The following IGF2BP2 variants were observed in gnomAD, a reference collection of about 807,000 sequenced individuals.
IGF2BP2 encodes insulin like growth factor 2 mRNA binding protein 2.
A neutral mutation model predicts 75.8 loss-of-function variants in IGF2BP2; 17 were observed. The observed-to-expected ratio is 0.22, with a 90% confidence interval of 0.15 to 0.34. The LOEUF (loss-of-function observed/expected upper bound fraction) is 0.34, where lower values mean the gene tolerates loss of function less well. IGF2BP2 is among the 10% of genes least tolerant of loss of function. The probability of loss-of-function intolerance (pLI) is 1.00; values close to 1 mark genes in which losing one functional copy is unlikely to be tolerated. For missense variants in IGF2BP2, 516 were observed against 772.4 expected, an observed-to-expected ratio of 0.67 and a Z score of 3.93; for synonymous variants, 288 against 295.6, an observed-to-expected ratio of 0.97 and a Z score of 0.26.
chr3:185,764,155 T>C (rs1201995298), intron 2 of IGF2BP2, among the ~76,000 whole-genome samples: 1 of 150,714 alleles, frequency 6.6e-6, no homozygotes, highest in East Asian at 2.0e-4. Context: ...ATGTCTATTA[T>C]ATAAGTAATT....
intron 2 of IGF2BP2, among the ~76,000 whole-genome samples, chr3:185,798,208 A>C (rs957581011): frequency 3.3e-5 from 5 of 152,102 alleles, no homozygotes; most frequent in African/African-American, 9.7e-5. Flanking sequence ...AGAGAAAAAA[A>C]AATTGCTTTT....
At chr3:185,800,088 C>G (rs899729733) in intron 2 of IGF2BP2, among the ~76,000 whole-genome samples, 2 of 152,126 alleles carry the variant, frequency 1.3e-5, no homozygotes, top group African/African-American at 2.4e-5. Flanking sequence ...CCATGGAATA[C>G]TATGCAACCA....
chr3:185,774,206 G>A (rs1734236579), intron 2 of IGF2BP2, among the ~76,000 whole-genome samples: 1 of 152,176 alleles, frequency 6.6e-6, no homozygotes, highest in African/African-American at 2.4e-5. Flanking sequence ...AAGCAGGAGG[G>A]AGACGGTTAC....
In IGF2BP2 at chr3:185,672,353, G is replaced by A. The variant is rs74572731; in HGVS notation, c.1200+188C>T. Among the ~76,000 whole-genome samples the A allele has an allele frequency of 5.2e-3, 795 of 152,296 alleles. 9 individuals are homozygous for A. The highest frequency in any genetic ancestry group is 0.018 in the African/African-American group (753 of 41,556). On this transcript the variant is annotated intron_variant, in intron 10 of 15. Coordinates refer to ENST00000382199, the MANE Select transcript of IGF2BP2 (RefSeq NM_006548.6). Reference sequence around the variant, plus strand: ...TTTAAGAACACGTGTTTAGAGGATTGGTTTAATATTAAGTTGCCCATTAGG... The same window carrying A: ...TTTAAGAACACGTGTTTAGAGGATTAGTTTAATATTAAGTTGCCCATTAGG...
intron 2 of IGF2BP2, among the ~76,000 whole-genome samples, chr3:185,776,087 C>G (rs1292308111): frequency 6.6e-6 from 1 of 151,892 alleles, no homozygotes; most frequent in Non-Finnish European, 1.5e-5. Context: ...TTATAAAAAA[C>G]TTAACAAATT....
At chr3:185,753,811 T>C (rs1731255150) in intron 2 of IGF2BP2, among the ~76,000 whole-genome samples, 1 of 152,046 alleles carries the variant, frequency 6.6e-6, no homozygotes, top group African/African-American at 2.4e-5. Flanking sequence ...GTGGGAGGTA[T>C]TGGATCATGG....
At chr3:185,671,548 AAAAG>A (rs1185586606) in intron 10 of IGF2BP2, among the ~76,000 whole-genome samples, 3 of 151,330 alleles carry the variant, frequency 2.0e-5, no homozygotes, top group Admixed American at 6.6e-5. Flanking sequence ...AAAAAAAAAA[AAAAG>A]AAAAAGAAAA....
intron 2 of IGF2BP2, among the ~76,000 whole-genome samples, chr3:185,740,591 C>A (rs2149563624): frequency 6.6e-6 from 1 of 152,332 alleles, no homozygotes; most frequent in Admixed American, 6.5e-5. Context: ...AATACCTACT[C>A]TATGTCAAAG....
intron 2 of IGF2BP2, among the ~76,000 whole-genome samples, chr3:185,715,768 C>G (rs1211619289): frequency 6.6e-6 from 1 of 152,108 alleles, no homozygotes; most frequent in East Asian, 1.9e-4. Flanking sequence ...CTTAACCTCC[C>G]AAGTAGCTGG....
At chr3:185,666,938 C>A (rs1237032326) in intron 10 of IGF2BP2, among the ~76,000 whole-genome samples, 1 of 152,126 alleles carries the variant, frequency 6.6e-6, no homozygotes, top group African/African-American at 2.4e-5. Flanking sequence ...CCAATCTTTT[C>A]TTTGATTTTC....
At chr3:185,750,305 T>TGA (rs1730797698) in intron 2 of IGF2BP2, among the ~76,000 whole-genome samples, 1 of 152,182 alleles carries the variant, frequency 6.6e-6, no homozygotes, top group African/African-American at 2.4e-5. Context: ...CATTTTGCCT[T>TGA]GACACTGGGA....
rs1578432164 is a variant in IGF2BP2 at position 185,825,038 on chromosome 3, T to G, written c.-78A>C. Reference sequence around the variant, plus strand: ...TCGCCTCCTCCGCTGCCCTCGTCTCTCCTCCTCCTCCGCCCCCCCTCCCCG... The same window carrying G: ...TCGCCTCCTCCGCTGCCCTCGTCTCGCCTCCTCCTCCGCCCCCCCTCCCCG... On this transcript the variant is annotated 5_prime_UTR_variant, in exon 1 of 16. Transcript: ENST00000382199. The G allele has an allele frequency of 8.9e-7, 1 of 1,117,964 alleles. No individual in the cohort carries two copies. The highest frequency in any genetic ancestry group is 1.2e-6 in the Non-Finnish European group (1 of 834,150). 69.3% of individuals were successfully genotyped at this position (1,117,964 alleles called of 1,614,324 possible).
chr3:185,668,508 G>GATATATATATAT (rs755033940), intron 10 of IGF2BP2, among the ~76,000 whole-genome samples: 14 of 125,774 alleles, frequency 1.1e-4, no homozygotes, highest in African/African-American at 3.7e-4. Flanking sequence ...GAGAGAGAGA[G>GATATATATATAT]ATATATATAT....
intron 11 of IGF2BP2, 102 bp from the exon 12 acceptor site, chr3:185,657,504 A>T: frequency 1.2e-6 from 1 of 858,708 alleles, no homozygotes; most frequent in Non-Finnish European, 1.8e-6. Flanking sequence ...CATGGTGGGA[A>T]GGCCCCGCCA....
At chr3:185,646,867 C>T (rs1156799022) in intron 15 of IGF2BP2, 158 bp downstream of exon 15, 16 of 634,822 alleles carry the variant, frequency 2.5e-5, no homozygotes, top group South Asian at 9.2e-5. Context: ...TCCCCTGCCC[C>T]GGGGGCCATC....
At chr3:185,783,591 A>C (rs1475979195) in intron 2 of IGF2BP2, among the ~76,000 whole-genome samples, 1 of 152,200 alleles carries the variant, frequency 6.6e-6, no homozygotes, top group Non-Finnish European at 1.5e-5. Context: ...TTATCACCTT[A>C]TGTAAAAACA....
chr3:185,786,758 G>C (rs1030776770), intron 2 of IGF2BP2, among the ~76,000 whole-genome samples: 1 of 152,076 alleles, frequency 6.6e-6, no homozygotes, highest in Non-Finnish European at 1.5e-5. Context: ...AAGATACGTG[G>C]AAACCTACAT....
At chr3:185,652,755 G>C (rs1166735352) in intron 12 of IGF2BP2, among the ~76,000 whole-genome samples, 2 of 152,158 alleles carry the variant, frequency 1.3e-5, no homozygotes, top group East Asian at 3.9e-4. Context: ...TCTAGTCCTG[G>C]CTCTGAAAAT....
chr3:185,804,992 CAAA>C (rs35121167), intron 2 of IGF2BP2, among the ~76,000 whole-genome samples: 3 of 114,570 alleles, frequency 2.6e-5, no homozygotes, highest in Non-Finnish European at 1.9e-5. Flanking sequence ...GACTCCGTCT[CAAA>C]AAAAAAAAAA....
Sources: gnomAD v4.1 joint callset for allele counts (sites outside exome capture counted in the v4.1 genomes callset) on GRCh38, gnomAD v4.1.1 for gene constraint, MANE v1.5 for transcripts, NCBI Gene and HGNC (gene_info 2026-07-23, HGNC 2026-07-21) for gene names.